Variants in KCNIP4 observed in about 807,000 individuals in gnomAD.
KCNIP4 encodes Kv channel-interacting protein 4.
Under a neutral mutation model 34.0 loss-of-function variants are expected in KCNIP4, and 12 were observed. The ratio of observed to expected loss-of-function variants is 0.35; its 90% CI spans 0.23 to 0.57. The LOEUF is 0.57. KCNIP4 is among the 20% of genes least tolerant of loss of function. The pLI, the probability that KCNIP4 is intolerant of heterozygous loss-of-function variation, is 0.83. For missense variants in KCNIP4, 238 were observed against 311.7 expected (o/e 0.76, Z 1.78); for synonymous variants, 124 against 102.2 (o/e 1.21, Z -1.29).
At chr4:21,776,739 G>A (rs535512607) in intron 1 of KCNIP4, among the ~76,000 whole-genome samples, 15 of 152,106 alleles carry the variant, frequency 9.9e-5, no homozygotes, top group African/African-American at 3.6e-4. Context: ...CTGTTTTTGT[G>A]ATAGTGAATG....
At chr4:21,194,148 T>G (rs1021032459) in intron 1 of KCNIP4, among the ~76,000 whole-genome samples, 2 of 152,188 alleles carry the variant, frequency 1.3e-5, no homozygotes, top group Non-Finnish European at 1.5e-5. Context: ...AAAACAGTCT[T>G]CCTTACTTTA....
chr4:21,923,352 C>A (rs1729046190), intron 1 of KCNIP4, among the ~76,000 whole-genome samples: 1 of 152,132 alleles, frequency 6.6e-6, no homozygotes, highest in Admixed American at 6.5e-5. Context: ...GAGGCCAAGG[C>A]AGATGGATCA....
At chr4:21,863,314 A>C (rs1257497543) in intron 1 of KCNIP4, among the ~76,000 whole-genome samples, 1 of 150,170 alleles carries the variant, frequency 6.7e-6, no homozygotes, top group East Asian at 2.0e-4. Context: ...AGCAGATAGA[A>C]ATAGACAGAA....
intron 1 of KCNIP4, among the ~76,000 whole-genome samples, chr4:21,534,123 C>A (rs146274780): frequency 6.6e-6 from 1 of 152,188 alleles, no homozygotes; most frequent in African/African-American, 2.4e-5. Context: ...TGCAATAGGA[C>A]CTACTGTATA....
chr4:21,730,279 T>C (rs183608091), intron 1 of KCNIP4, among the ~76,000 whole-genome samples: 7 of 152,318 alleles, frequency 4.6e-5, no homozygotes, highest in Admixed American at 4.6e-4. Context: ...ATACTCTGCT[T>C]CTTCTTAAAC....
In KCNIP4 at chr4:21,350,598, C is replaced by G. The variant is rs150611407; in HGVS notation, c.62-467889G>C. Among the ~76,000 whole-genome samples, 385 of 152,276 alleles carry G rather than the reference C, an allele frequency of 2.5e-3. 1 individual carries two copies. Among genetic ancestry groups the G allele is most frequent in the African/African-American group, 8.9e-3 (371 of 41,552 alleles). ...TATGCCCAGTATAAATGGAAGAGCT[C>G]TAATCTACGAGTGGAGGTGAAGCAT... is the stretch of plus-strand genomic sequence containing the variant. On this transcript the variant is annotated intron_variant, in intron 1 of 8. Transcript: ENST00000382152.
chr4:21,046,763 G>A (rs923048194), intron 1 of KCNIP4, among the ~76,000 whole-genome samples: 8 of 152,004 alleles, frequency 5.3e-5, no homozygotes, highest in Non-Finnish European at 8.8e-5. Context: ...GGCTAATTTT[G>A]TATTTTTAGT....
intron 3 of KCNIP4, among the ~76,000 whole-genome samples, chr4:20,792,808 GTCAGAAATTTCAACTTCCTTA>G (rs1712953453): frequency 6.6e-6 from 1 of 152,026 alleles, no homozygotes; most frequent in Admixed American, 6.6e-5. Context: ...TCAAAATAGA[GTCAGAAATTTCAACTTCCTTA>G]TCACAATGTT....
intron 1 of KCNIP4, among the ~76,000 whole-genome samples, chr4:21,524,907 A>C (rs2108958832): frequency 6.6e-6 from 1 of 152,242 alleles, no homozygotes; most frequent in East Asian, 1.9e-4. Flanking sequence ...ACAACCACAA[A>C]TTCAACATAT....
In KCNIP4 at chr4:21,682,461, C is replaced by T. The variant is rs563140824; in HGVS notation, c.61+266110G>A. ...CTTTTACCCGGACCACTAAAACATT[C>T]TTTATATCAGCAATAAAGCTGTTTC... is the stretch of plus-strand genomic sequence containing the variant. On this transcript the variant is annotated intron_variant, in intron 1 of 8. Transcript: ENST00000382152. Among the ~76,000 whole-genome samples, 311 of 152,254 alleles carry T rather than the reference C, an allele frequency of 2.0e-3. 3 individuals are homozygous for T. Among genetic ancestry groups the T allele is most frequent in the Non-Finnish European group, 3.6e-3 (246 of 68,024 alleles).
At position 21,546,891 on chromosome 4, in the gene KCNIP4, A is replaced by T. The variant is rs552583847; in HGVS notation, c.61+401680T>A. ...TCTGGAGGTTTCAAGGGGCAGAACT[A>T]AAAACTCCAGAAGAAAGAGAAAATT... On this transcript the variant is annotated intron_variant, in intron 1 of 8. Transcript: ENST00000382152. Among the ~76,000 whole-genome samples the T allele has an allele frequency of 9.9e-3, 1,515 of 152,292 alleles. 31 individuals are homozygous for T. The highest frequency in any genetic ancestry group is 1.0e-2 in the Non-Finnish European group (679 of 68,022).
At chr4:21,368,639 G>C (rs961899015) in intron 1 of KCNIP4, among the ~76,000 whole-genome samples, 12 of 147,324 alleles carry the variant, frequency 8.1e-5, no homozygotes. Context: ...TCTGGTTCTA[G>C]AGCCTGTGAA....
intron 1 of KCNIP4, among the ~76,000 whole-genome samples, chr4:21,314,279 C>T (rs1296329991): frequency 6.6e-6 from 1 of 152,176 alleles, no homozygotes; most frequent in East Asian, 1.9e-4. Flanking sequence ...GATTGCATCC[C>T]TTTGGATTAA....
chr4:21,108,385 C>T (rs371856471), intron 1 of KCNIP4, among the ~76,000 whole-genome samples: 17 of 151,148 alleles, frequency 1.1e-4, no homozygotes, highest in African/African-American at 3.7e-4. Context: ...TCCAGTTGAT[C>T]GCATCGGCTC....
chr4:20,782,865 T>C (rs1756990669), intron 3 of KCNIP4, among the ~76,000 whole-genome samples: 1 of 152,174 alleles, frequency 6.6e-6, no homozygotes, highest in South Asian at 2.1e-4. Context: ...TCCTACAGCA[T>C]TGTCAGGCTG....
Position 21,149,938 on chromosome 4 carries a change from C to G in KCNIP4, c.62-267229G>C, listed in dbSNP as rs185201951. ...GTTGGAAATGTCCTTTTATAACACC[C>G]TAATAATATTCAGTACTAGCTACCA... On this transcript the variant is annotated intron_variant, in intron 1 of 8. Transcript: ENST00000382152. Among the ~76,000 whole-genome samples, 380 of 152,046 alleles carry G rather than the reference C, an allele frequency of 2.5e-3. 3 individuals are homozygous for G. The highest frequency in any genetic ancestry group is 3.4e-3 in the Non-Finnish European group (230 of 67,990).
intron 1 of KCNIP4, among the ~76,000 whole-genome samples, chr4:21,710,728 TCTC>T (rs1391797555): frequency 6.6e-6 from 1 of 152,100 alleles, no homozygotes; most frequent in East Asian, 1.9e-4. Context: ...CAGGTTTCAA[TCTC>T]CTGATATGTA....
At chr4:21,511,253 TAAA>T (rs1469428314) in intron 1 of KCNIP4, among the ~76,000 whole-genome samples, 1 of 152,116 alleles carries the variant, frequency 6.6e-6, no homozygotes, top group Non-Finnish European at 1.5e-5. Flanking sequence ...AAATAATAAA[TAAA>T]AGTCATTTTT....
chr4:21,712,613 C>CTCCCCACA (rs1235759943), intron 1 of KCNIP4, among the ~76,000 whole-genome samples: 1 of 152,162 alleles, frequency 6.6e-6, no homozygotes, highest in African/African-American at 2.4e-5. Flanking sequence ...TAGATAAGCT[C>CTCCCCACA]TCCCCACACC....
Sources: gnomAD v4.1 joint callset for allele counts (sites outside exome capture counted in the v4.1 genomes callset) on GRCh38, gnomAD v4.1.1 for gene constraint, MANE v1.5 for transcripts, NCBI Gene and HGNC (gene_info 2026-07-23, HGNC 2026-07-21) for gene names.